The following LRRC7 variants were observed in gnomAD, a reference collection of about 807,000 sequenced individuals.
LRRC7 encodes leucine-rich repeat-containing protein 7.
A neutral mutation model predicts 175.7 loss-of-function variants in LRRC7; 23 were observed. The observed-to-expected ratio is 0.13, with a 90% CI of 0.09 to 0.19. The LOEUF (loss-of-function observed/expected upper bound fraction) is 0.19. LRRC7 is among the 10% of genes least tolerant of loss of function. LRRC7 has a pLI of 1.00. For missense variants in LRRC7, 1,354 were observed against 1,904.7 expected (o/e 0.71, Z 5.38); for synonymous variants, 685 against 680.9 (o/e 1.01, Z -0.09).
intron 7 of LRRC7, among the ~76,000 whole-genome samples, chr1:69,924,368 C>T (rs1205537496): frequency 6.6e-6 from 1 of 152,158 alleles, no homozygotes; most frequent in Admixed American, 6.5e-5. Flanking sequence ...ATGGGGATGG[C>T]ATTGAATCTA....
chr1:69,709,692 A>T (rs748746080), intron 2 of LRRC7, among the ~76,000 whole-genome samples: 68 of 152,352 alleles, frequency 4.5e-4, no homozygotes, highest in Non-Finnish European at 8.2e-4. Flanking sequence ...TCTGTATGAT[A>T]GAGAGTTGTG....
At chr1:69,809,129 G>A (rs1677502763) in intron 4 of LRRC7, among the ~76,000 whole-genome samples, 1 of 152,138 alleles carries the variant, frequency 6.6e-6, no homozygotes, top group Non-Finnish European at 1.5e-5. Flanking sequence ...ACTACCATCA[G>A]AGAATACTAT....
intron 7 of LRRC7, among the ~76,000 whole-genome samples, chr1:69,886,376 C>T (rs1241575953): frequency 6.6e-5 from 10 of 150,646 alleles, no homozygotes; most frequent in Admixed American, 4.6e-4. Context: ...ATGTAATGGC[C>T]TTCTTTGTCT....
chr1:70,043,944 C>T lies in LRRC7; in HGVS notation c.3970-10C>T. Reference sequence around the variant, plus strand: ...TCACACCCTGTCACATGATTATTTCCTCTACTCAGAATGCTGCTTACAAAC... The same window carrying T: ...TCACACCCTGTCACATGATTATTTCTTCTACTCAGAATGCTGCTTACAAAC... On this transcript the variant is annotated splice_polypyrimidine_tract_variant and intron_variant, in intron 21 of 26. Transcript: ENST00000651989. The T allele has an allele frequency of 6.3e-7, 1 of 1,595,716 alleles. No homozygotes were observed. Among genetic ancestry groups the T allele is most frequent in the Non-Finnish European group, 8.6e-7 (1 of 1,166,128 alleles).
At chr1:70,034,777 C>T (rs1659131376) in intron 18 of LRRC7, among the ~76,000 whole-genome samples, 1 of 152,186 alleles carries the variant, frequency 6.6e-6, no homozygotes, top group Non-Finnish European at 1.5e-5. Context: ...TGATCTTTCC[C>T]TTTTCTTTTA....
intron 7 of LRRC7, among the ~76,000 whole-genome samples, chr1:69,893,237 T>C (rs1005103193): frequency 7.4e-5 from 10 of 135,814 alleles, no homozygotes; most frequent in African/African-American, 2.2e-4. Context: ...TAGCTATCAA[T>C]TTTATTTTTC....
intron 7 of LRRC7, among the ~76,000 whole-genome samples, chr1:69,859,232 A>G (rs1410698805): frequency 6.6e-6 from 1 of 152,162 alleles, no homozygotes; most frequent in Non-Finnish European, 1.5e-5. Context: ...GTATATGAGA[A>G]TCATATTAAG....
At chr1:70,057,698 G>C (rs1450853537) in intron 23 of LRRC7, among the ~76,000 whole-genome samples, 1 of 152,088 alleles carries the variant, frequency 6.6e-6, no homozygotes, top group Non-Finnish European at 1.5e-5. Context: ...TGAACTTGTG[G>C]CTCTCTGTTC....
intron 2 of LRRC7, among the ~76,000 whole-genome samples, chr1:69,701,858 T>C (rs1663396727): frequency 6.6e-6 from 1 of 152,230 alleles, no homozygotes; most frequent in African/African-American, 2.4e-5. Flanking sequence ...TATTCATAAC[T>C]AACAATTTAA....
intron 10 of LRRC7, among the ~76,000 whole-genome samples, chr1:69,989,903 C>G (rs1042933359): frequency 2.0e-5 from 3 of 152,014 alleles, no homozygotes; most frequent in Non-Finnish European, 4.4e-5. Flanking sequence ...AAGAGCTTAT[C>G]TACATAATAA....
chr1:69,604,714 C>A (rs943155612), intron 1 of LRRC7, among the ~76,000 whole-genome samples: 1 of 150,774 alleles, frequency 6.6e-6, no homozygotes, highest in African/African-American at 2.4e-5. Context: ...TTTTCACATT[C>A]CCTGGGTTTG....
At chr1:69,683,678 T>G (rs149708364) in intron 2 of LRRC7, among the ~76,000 whole-genome samples, 86 of 152,216 alleles carry the variant, frequency 5.6e-4, no homozygotes, top group Non-Finnish European at 9.7e-4. Flanking sequence ...TTAAAAAGAT[T>G]AAATTTTTGA....
At chr1:69,744,064 G>A (rs946782590) in intron 2 of LRRC7, among the ~76,000 whole-genome samples, 7 of 150,796 alleles carry the variant, frequency 4.6e-5, no homozygotes, top group Admixed American at 4.0e-4. Flanking sequence ...TAACTCAGAG[G>A]CAAGCAGAAA....
At chr1:69,875,452 A>G (rs1320455629) in intron 7 of LRRC7, among the ~76,000 whole-genome samples, 1 of 152,094 alleles carries the variant, frequency 6.6e-6, no homozygotes, top group Non-Finnish European at 1.5e-5. Context: ...AAGTTCTTTA[A>G]AACTTAATCA....
At chr1:69,937,818 GAGA>G (rs1189850881) in intron 8 of LRRC7, among the ~76,000 whole-genome samples, 2 of 151,988 alleles carry the variant, frequency 1.3e-5, no homozygotes, top group African/African-American at 2.4e-5. Flanking sequence ...CAGTCAATCA[GAGA>G]AGAAGAATTT....
rs567089986 is a variant in LRRC7, at chr1:69,975,845, C to G, written c.712-4534C>G. 1.8e-4 allele frequency among the ~76,000 whole-genome samples: 28 copies of G among 152,168 alleles called. No individual in the cohort carries two copies. In the South Asian group the frequency reaches 5.6e-3, roughly 30 times the overall value. ...ACTTCTATTCAGTGTCAGCCCCTCC[C>G]CTTGTGCTGTCAATCTCCTCTTCAT... On this transcript the variant is annotated intron_variant, in intron 8 of 26. Transcript: ENST00000651989.
At chr1:69,693,262 T>G (rs1021198848) in intron 2 of LRRC7, among the ~76,000 whole-genome samples, 1 of 152,178 alleles carries the variant, frequency 6.6e-6, no homozygotes, top group Admixed American at 6.5e-5. Flanking sequence ...CATATAATAT[T>G]TAGGCTCATT....
intron 7 of LRRC7, among the ~76,000 whole-genome samples, chr1:69,851,571 G>C (rs944706146): frequency 6.6e-6 from 1 of 152,208 alleles, no homozygotes; most frequent in East Asian, 1.9e-4. Flanking sequence ...CTGGTGGCCC[G>C]GGAGTGGAAA....
intron 7 of LRRC7, among the ~76,000 whole-genome samples, chr1:69,905,062 T>A (rs1226229004): frequency 6.6e-6 from 1 of 152,186 alleles, no homozygotes; most frequent in African/African-American, 2.4e-5. Flanking sequence ...AATGGTAGAC[T>A]TTATTCTATC....
Sources: gnomAD v4.1 joint callset for allele counts (sites outside exome capture counted in the v4.1 genomes callset) on GRCh38, gnomAD v4.1.1 for gene constraint, MANE v1.5 for transcripts, NCBI Gene and HGNC (gene_info 2026-07-23, HGNC 2026-07-21) for gene names.